PCDH15: variants seen among roughly 807,000 people sequenced by gnomAD.
The protein encoded by PCDH15 is protocadherin-15.
PCDH15 carries 129 observed loss-of-function variants against 178.5 expected under a neutral mutation model. The observed-to-expected ratio is 0.72, with a 90% CI of 0.63 to 0.84. The LOEUF (loss-of-function observed/expected upper bound fraction) is 0.84. Ranked by LOEUF, PCDH15 falls within the 40% of genes least tolerant of loss-of-function variation. PCDH15 has a pLI of 0.00. For missense variants in PCDH15, 2,230 were observed against 2,099.9 expected (o/e 1.06, Z -1.21); for synonymous variants, 800 against 732.0 (o/e 1.09, Z -1.50).
intron 21 of PCDH15, among the ~76,000 whole-genome samples, chr10:53,984,632 G>T (rs1015890711): frequency 3.9e-5 from 6 of 152,130 alleles, no homozygotes; most frequent in South Asian, 2.1e-4. Context: ...GATCTCAAGG[G>T]CACAGATTTG....
chr10:55,211,330 T>C (rs1016410364), intron 1 of PCDH15, among the ~76,000 whole-genome samples: 1 of 152,182 alleles, frequency 6.6e-6, no homozygotes, highest in Non-Finnish European at 1.5e-5. Flanking sequence ...ATAGCCAATG[T>C]ATAATTGATT....
At chr10:53,907,180 T>C (rs2133720578) in intron 25 of PCDH15, 1 of 152,290 alleles carries the variant, frequency 6.6e-6, no homozygotes, top group East Asian at 1.9e-4. Flanking sequence ...TTCCACCAAA[T>C]TTGGATATTG....
intron 1 of PCDH15, among the ~76,000 whole-genome samples, chr10:55,215,616 T>C (rs144086058): frequency 2.0e-5 from 3 of 152,214 alleles, no homozygotes; most frequent in African/African-American, 7.2e-5. Context: ...CTTTTTTGCC[T>C]TATCAATGTA....
intron 2 of PCDH15, among the ~76,000 whole-genome samples, chr10:55,584,927 T>G (rs1842695697): frequency 6.6e-6 from 1 of 151,374 alleles, no homozygotes; most frequent in Admixed American, 6.6e-5. Flanking sequence ...TTGAGTAATA[T>G]ATAGTTTTTT....
chr10:54,209,724 C>G (rs914469931), intron 10 of PCDH15, among the ~76,000 whole-genome samples: 1 of 152,002 alleles, frequency 6.6e-6, no homozygotes, highest in Non-Finnish European at 1.5e-5. Context: ...AGAAAAATGC[C>G]AGGCACCTGA....
At chr10:54,973,776 C>G (rs1378265105) in intron 2 of PCDH15, among the ~76,000 whole-genome samples, 1 of 152,050 alleles carries the variant, frequency 6.6e-6, no homozygotes, top group Non-Finnish European at 1.5e-5. Flanking sequence ...AAGAAACAAC[C>G]TCTATCATGG....
At chr10:54,973,758 T>C (rs1481401909) in intron 2 of PCDH15, among the ~76,000 whole-genome samples, 2 of 152,056 alleles carry the variant, frequency 1.3e-5, no homozygotes, top group Admixed American at 6.6e-5. Context: ...TGAAGCTAGA[T>C]CTGGAAAAAG....
intron 11 of PCDH15, among the ~76,000 whole-genome samples, chr10:54,194,650 CTCTA>C (rs58429895): frequency 0.23 from 33,379 of 147,814 alleles, 4,053 homozygotes; most frequent in Non-Finnish European, 0.27. Flanking sequence ...GTGTATATAT[CTCTA>C]TCTATCTATC....
At chr10:55,292,827 C>T (rs780464847) in intron 1 of PCDH15, among the ~76,000 whole-genome samples, 17 of 152,210 alleles carry the variant, frequency 1.1e-4, no homozygotes, top group Non-Finnish European at 2.1e-4. Context: ...CTCCTGGCTG[C>T]TTTTATGGGC....
chr10:55,442,819 T>C (rs749376353), intron 2 of PCDH15, among the ~76,000 whole-genome samples: 2 of 152,066 alleles, frequency 1.3e-5, no homozygotes, highest in Non-Finnish European at 2.9e-5. Flanking sequence ...AGAGGTATAC[T>C]TCAATGAGAT....
chr10:54,115,210 A>C (rs1346326114), intron 15 of PCDH15, among the ~76,000 whole-genome samples: 1 of 152,146 alleles, frequency 6.6e-6, no homozygotes. Flanking sequence ...CCTGTGGATA[A>C]AGAGAAAGGT....
At chr10:54,366,734 T>C (rs934473903) in intron 5 of PCDH15, among the ~76,000 whole-genome samples, 45 of 151,072 alleles carry the variant, frequency 3.0e-4, no homozygotes, top group African/African-American at 1.1e-3. Flanking sequence ...TTCAAGAAAG[T>C]AAATATAAAG....
chr10:54,412,704 T>C (rs2135666501), intron 3 of PCDH15, among the ~76,000 whole-genome samples: 1 of 152,246 alleles, frequency 6.6e-6, no homozygotes, highest in Non-Finnish European at 1.5e-5. Context: ...CAACATTACC[T>C]TGTTGCATTG....
chr10:55,252,358 G>A (rs2132224942), intron 1 of PCDH15, among the ~76,000 whole-genome samples: 1 of 152,070 alleles, frequency 6.6e-6, no homozygotes, highest in East Asian at 1.9e-4. Flanking sequence ...CTATGTCTGT[G>A]CCCTAGATGT....
In PCDH15 at chr10:53,965,474, C is replaced by T. The variant is rs2660183; in HGVS notation, c.2869-3582G>A. Among the ~76,000 whole-genome samples, 391 of 152,210 alleles carry T rather than the reference C, an allele frequency of 2.6e-3. 1 individual carries two copies. Among genetic ancestry groups the T allele is most frequent in the African/African-American group, 9.1e-3 (377 of 41,510 alleles). On this transcript the variant is annotated intron_variant, in intron 21 of 37. Coordinates refer to ENST00000644397, the MANE Select transcript of PCDH15 (RefSeq NM_001384140.1). ...GAACAAACTTGGCTCACACTAAAAC[C>T]GAAGTCTTTTAATAACAAATCAACT...
intron 2 of PCDH15, among the ~76,000 whole-genome samples, chr10:55,526,473 C>G (rs1046491851): frequency 3.3e-5 from 5 of 151,894 alleles, no homozygotes; most frequent in African/African-American, 9.7e-5. Context: ...TAATATTTCC[C>G]TCTGCTTCCT....
At chr10:54,489,523 T>G (rs1184162111) in intron 3 of PCDH15, among the ~76,000 whole-genome samples, 5 of 152,132 alleles carry the variant, frequency 3.3e-5, no homozygotes, top group Non-Finnish European at 7.4e-5. Context: ...AACAAAAGCC[T>G]TCTCTAAGAT....
rs563652086 is a variant in PCDH15 at position 55,604,390 on chromosome 10, C to T, written c.-156+23235G>A. ...GAATTGAACTCAGCTCTGCACCAAG[C>T]GGACCTAATAGACAGCTACAGAACT... On this transcript the variant is annotated intron_variant, in intron 2 of 5. Coordinates refer to the PCDH15 transcript ENST00000613346. Among the ~76,000 whole-genome samples the T allele has an allele frequency of 1.6e-4, 24 of 151,726 alleles. 1 individual carries two copies. Among genetic ancestry groups the T allele is most frequent in the African/African-American group, 4.4e-4 (18 of 41,276 alleles).
At chr10:54,286,854 C>T (rs372844940) in intron 8 of PCDH15, among the ~76,000 whole-genome samples, 2 of 152,166 alleles carry the variant, frequency 1.3e-5, no homozygotes, top group Non-Finnish European at 2.9e-5. Flanking sequence ...TGTTGAACTC[C>T]TGACCTCTGG....
Sources: gnomAD v4.1 joint callset for allele counts (sites outside exome capture counted in the v4.1 genomes callset) on GRCh38, gnomAD v4.1.1 for gene constraint, MANE v1.5 for transcripts, NCBI Gene and HGNC (gene_info 2026-07-23, HGNC 2026-07-21) for gene names.